MEIOSIN: variants seen among roughly 807,000 people sequenced by gnomAD.
The protein encoded by MEIOSIN is meiosis initiator.
MEIOSIN carries 18 observed loss-of-function variants against 23.4 expected under a neutral mutation model. The observed-to-expected ratio is 0.77, with a 90% CI of 0.53 to 1.14. The LOEUF (loss-of-function observed/expected upper bound fraction) is 1.14, where lower values mean the gene tolerates loss of function less well. Among genes scored for constraint, MEIOSIN ranks in the 50% most tolerant of loss-of-function variants. The pLI, the probability that MEIOSIN is intolerant of heterozygous loss-of-function variation, is 0.00. For missense variants in MEIOSIN, 428 were observed against 242.9 expected, an observed-to-expected ratio of 1.76 and a Z score of -5.07; for synonymous variants, 187 against 100.6, an observed-to-expected ratio of 1.86 and a Z score of -5.14.
Position 45,762,048 on chromosome 19 carries a change from C to T in MEIOSIN, c.1544C>T (p.Ala515Val). The T allele has an allele frequency of 4.1e-6, 2 of 484,614 alleles. No homozygotes were observed. The highest frequency in any genetic ancestry group is 2.0e-5 in the African/African-American group (1 of 51,156). 30.0% of individuals were successfully genotyped at this position (484,614 alleles called of 1,614,324 possible). A position where few individuals can be genotyped will look rare whatever the true frequency, so the allele number is the denominator to read the frequency against. Residue 515 changes from alanine to valine, a missense_variant, in exon 13 of 15, where the codon GCC (alanine) becomes GTC (valine). Physicochemically the swap from Ala to Val is moderately conservative, Grantham distance 64. Transcript: ENST00000457052. ...ASPLLAAEKK[A>V]TKGQVARAPV... ...CCCCTGCTGGCAGCTGAGAAAAAGG[C>T]CACGAAGGGCCAAGTAGCCAGGGCC...
rs571654827 is a variant in MEIOSIN, at chr19:45,754,616, G to A, written c.694G>A (p.Gly232Ser). The change falls in exon 7 of 15, where the codon GGT becomes AGT. Residue 232 changes from glycine to serine, a missense_variant. Gly to Ser is a moderately conservative substitution (Grantham distance 56). Coordinates refer to ENST00000457052, the MANE Select transcript of MEIOSIN (RefSeq NM_001310124.2). ...TTPPRCPDSC[G>S]HPRPASSSPP... is the part of the protein sequence containing the mutation. ...CCCTCCAAGGTGCCCTGACTCCTGC[G>A]GTCACCCGAGGCCTGCATCATCCTC... 4.8e-5 allele frequency: 34 copies of A among 703,050 alleles called. No individual in the cohort carries two copies. The highest frequency in any genetic ancestry group is 4.3e-4 in the East Asian group (16 of 37,286). The allele number at this position is 703,050 out of a possible 1,614,324, so 43.6% of individuals were successfully genotyped here.
chr19:45,760,655 G>A (rs370851813), intron 11 of MEIOSIN, among the ~76,000 whole-genome samples: 3 of 151,944 alleles, frequency 2.0e-5, no homozygotes, highest in African/African-American at 7.2e-5. Flanking sequence ...GTGGCCGGGC[G>A]TGGTGGCTCA....
At chr19:45,741,413 C>T (rs1420457429) in intron 3 of MEIOSIN, among the ~76,000 whole-genome samples, 1 of 151,922 alleles carries the variant, frequency 6.6e-6, no homozygotes, top group African/African-American at 2.4e-5. Context: ...GACAAGTATA[C>T]TACAGATGGG....
chr19:45,753,936 C>T (rs1167935184), intron 6 of MEIOSIN, 148 bp downstream of exon 6: 3 of 587,292 alleles, frequency 5.1e-6, no homozygotes, highest in Admixed American at 6.1e-5. Context: ...GCACTGAGGC[C>T]TCACACCCGG....
At chr19:45,736,906 C>G (rs954397571) in intron 2 of MEIOSIN, among the ~76,000 whole-genome samples, 22 of 142,446 alleles carry the variant, frequency 1.5e-4, no homozygotes, top group African/African-American at 5.5e-4. Context: ...TTCACTCTTG[C>G]TGCCCAGGCT....
chr19:45,738,365 C>A (rs1464333465), intron 2 of MEIOSIN, among the ~76,000 whole-genome samples: 2 of 152,218 alleles, frequency 1.3e-5, no homozygotes, highest in African/African-American at 4.8e-5. Context: ...GGCCTGTAAT[C>A]CCAACACTTG....
At chr19:45,746,492 TTA>T (rs2080058923) in intron 4 of MEIOSIN, among the ~76,000 whole-genome samples, 1 of 152,008 alleles carries the variant, frequency 6.6e-6, no homozygotes, top group Non-Finnish European at 1.5e-5. Flanking sequence ...CTCTGTAAGA[TTA>T]TATGTGATTA....
In MEIOSIN at chr19:45,754,719, T is replaced by C; in HGVS notation, c.797T>C (p.Ile266Thr). The C allele has an allele frequency of 1.4e-6, 1 of 703,002 alleles. No homozygotes were observed. The highest frequency in any genetic ancestry group is 2.6e-6 in the Non-Finnish European group (1 of 385,010). 43.5% of individuals were successfully genotyped at this position (703,002 alleles called of 1,614,324 possible). Reference protein sequence around the residue: ...DLAEDTIHCDISSCWCQGSVQ... With the variant: ...DLAEDTIHCDTSSCWCQGSVQ... ...GCCGAGGACACCATCCACTGTGACA[T>C]CTCAAGTGGGTCTCTTTCCTCACTC... Residue 266 changes from isoleucine (I) to threonine (T), a missense_variant, in exon 7 of 15, where the codon ATC (isoleucine) becomes ACC (threonine). Coordinates refer to ENST00000457052, the MANE Select transcript of MEIOSIN (RefSeq NM_001310124.2).
rs74416487 is a variant in MEIOSIN, at chr19:45,757,164, C to A, written c.912-13C>A. ...AGTCTGTGAGTCTGACTCTGAAACTCCACCTCTTGCAGGCAGAAGCTGGTG... is the reference window on the plus strand; with the variant it reads ...AGTCTGTGAGTCTGACTCTGAAACTACACCTCTTGCAGGCAGAAGCTGGTG... On this transcript the variant is annotated splice_polypyrimidine_tract_variant and intron_variant, in intron 8 of 14. Coordinates refer to ENST00000457052, the MANE Select transcript of MEIOSIN (RefSeq NM_001310124.2). 2 of 702,512 alleles carry A rather than the reference C, an allele frequency of 2.8e-6. No homozygotes were observed. The highest frequency in any genetic ancestry group is 3.5e-5 in the African/African-American group (2 of 57,236). 43.5% of individuals were successfully genotyped at this position (702,512 alleles called of 1,614,324 possible).
At chr19:45,757,457 A>G (rs761484055) in intron 9 of MEIOSIN, among the ~76,000 whole-genome samples, 180 bp downstream of exon 9, 1 of 152,138 alleles carries the variant, frequency 6.6e-6, no homozygotes, top group Non-Finnish European at 1.5e-5. Flanking sequence ...GAGGCTTGAC[A>G]ATCAATCACC....
chr19:45,749,691 A>AAAAG (rs1968658130), intron 4 of MEIOSIN, among the ~76,000 whole-genome samples: 5 of 135,374 alleles, frequency 3.7e-5, no homozygotes, highest in African/African-American at 5.6e-5. Flanking sequence ...AAAAAAAAAA[A>AAAAG]GCGCAAAAAA....
rs201482275 is a variant in MEIOSIN at position 45,740,749 on chromosome 19, C to CAATAAT, written c.176+1061_176+1066dup. Among the ~76,000 whole-genome samples the CAATAAT allele has an allele frequency of 1.8e-3, 247 of 140,082 alleles. 1 individual carries two copies. The highest frequency in any genetic ancestry group is 0.011 in the Middle Eastern group (3 of 276). 91.9% of individuals were successfully genotyped at this position (140,082 alleles called of 152,430 possible). ...TGGGCAACAAGGCGAGACTCCATCT[C>CAATAAT]AATAATAATAATAATAATAATAATA... is the stretch of plus-strand genomic sequence containing the variant. On this transcript the variant is annotated intron_variant, in intron 3 of 14. Coordinates refer to ENST00000457052, the MANE Select transcript of MEIOSIN (RefSeq NM_001310124.2).
intron 5 of MEIOSIN, among the ~76,000 whole-genome samples, chr19:45,752,662 G>A (rs1968735772): frequency 6.6e-6 from 1 of 152,030 alleles, no homozygotes; most frequent in Admixed American, 6.6e-5. Flanking sequence ...TTGTTTCTAT[G>A]TATTAACTCA....
chr19:45,753,354 C>T (rs143526717), intron 5 of MEIOSIN, among the ~76,000 whole-genome samples: 1 of 152,070 alleles, frequency 6.6e-6, no homozygotes, highest in Non-Finnish European at 1.5e-5. Flanking sequence ...GGAGGAGGTA[C>T]TGGTGTGGGC....
At chr19:45,737,175 CTTT>C (rs754481912) in intron 2 of MEIOSIN, among the ~76,000 whole-genome samples, 9 of 140,606 alleles carry the variant, frequency 6.4e-5, no homozygotes, top group African/African-American at 5.2e-5. Flanking sequence ...GGCTTCTTTC[CTTT>C]TTTTTTTTTT....
rs541179830 is a variant in MEIOSIN at position 45,755,522 on chromosome 19, C to T, written c.803-448C>T. ...ATGCTGGAGTGCAGTGGTGCACTCT[C>T]GGCTACTGCAACCTCTACCTCCCAG... On this transcript the variant is annotated intron_variant, in intron 7 of 14. Transcript: ENST00000457052. Among the ~76,000 whole-genome samples the T allele has an allele frequency of 1.7e-4, 26 of 152,216 alleles. No individual in the cohort carries two copies. In the South Asian group the frequency reaches 2.3e-3, roughly 13 times the overall value.
At chr19:45,745,041 C>G (rs1450232174) in intron 3 of MEIOSIN, 151 bp from the exon 4 acceptor site, 1 of 622,316 alleles carries the variant, frequency 1.6e-6, no homozygotes, top group Non-Finnish European at 2.9e-6. Flanking sequence ...GGGAAAGTAA[C>G]AAGTACGGGT....
intron 3 of MEIOSIN, 147 bp downstream of exon 3, chr19:45,739,877 T>C: frequency 1.6e-6 from 1 of 608,134 alleles, no homozygotes; most frequent in Non-Finnish European, 3.0e-6. Context: ...GACAGAGCTT[T>C]GCTCTTGTTG....
rs1200730369 is a variant in MEIOSIN, at chr19:45,761,944, G to T, written c.1440G>T (p.Met480Ile). The T allele has an allele frequency of 2.2e-5, 13 of 596,424 alleles. No homozygotes were observed. Among genetic ancestry groups the T allele is most frequent in the Non-Finnish European group, 3.3e-5 (11 of 331,846 alleles). The allele number at this position is 596,424 out of a possible 1,614,324, so 36.9% of individuals were successfully genotyped here. ...CCACCCTCTCCCTCCCCCAGGATAT[G>T]CAGGCCAACCCTGTGGGCACGCCGG... ...SEPLWKQRED[M>I]QANPVGTPGS... The change falls in exon 13 of 15, where the codon ATG becomes ATT. Residue 480 changes from methionine (M) to isoleucine (I), a missense_variant. Transcript: ENST00000457052.
Sources: allele counts gnomAD v4.1 joint callset (sites outside exome capture counted in the v4.1 genomes callset), GRCh38; gene constraint gnomAD v4.1.1; transcripts MANE v1.5; gene names NCBI Gene and HGNC (gene_info 2026-07-23, HGNC 2026-07-21).